Variants in STRIP2 observed in about 807,000 individuals in gnomAD.
STRIP2 encodes striatin interacting protein 2.
Under a neutral mutation model 107.1 loss-of-function variants are expected in STRIP2, and 84 were observed. That is an observed-to-expected ratio of 0.78 (90% CI 0.66 to 0.94). The LOEUF (loss-of-function observed/expected upper bound fraction) is 0.94. Among genes scored for constraint, STRIP2 ranks in the 40% least tolerant of loss-of-function variants. The probability of loss-of-function intolerance (pLI) is 0.00; values close to 1 mark genes in which losing one functional copy is unlikely to be tolerated. For missense variants in STRIP2, 888 were observed against 1,034.2 expected (o/e 0.86, Z 1.94); for synonymous variants, 394 against 400.4 (o/e 0.98, Z 0.19).
chr7:129,465,550 T>C lies in STRIP2; in HGVS notation c.1776+812T>C, dbSNP rs538147039. On this transcript the variant is annotated intron_variant, in intron 16 of 20. Transcript: ENST00000249344. ...AATCTATATGCTAACACACAATTAC[T>C]GGGCACCTATCCTGTGCCCAGCACC... Among the ~76,000 whole-genome samples, 3 of 152,320 alleles carry C rather than the reference T, an allele frequency of 2.0e-5. No homozygotes were observed. In the South Asian group the frequency reaches 6.2e-4, roughly 32 times the overall value.
rs566345045 is a variant in STRIP2 at position 129,484,927 on chromosome 7, A to G, written c.2255-652A>G. ...ATCTTCAGCCCTGAAATAAGTGTCT[A>G]AGTGAATAGAAGCGAAACAGATTAT... On this transcript the variant is annotated intron_variant, in intron 20 of 20. Coordinates refer to ENST00000249344, the MANE Select transcript of STRIP2 (RefSeq NM_020704.3). Among the ~76,000 whole-genome samples, 7 of 152,328 alleles carry G rather than the reference A, an allele frequency of 4.6e-5. No homozygotes were observed. The East Asian group carries it at 1.3e-3, about 29-fold the overall frequency.
In STRIP2 at chr7:129,464,755, A is replaced by T. The variant is rs958402205; in HGVS notation, c.1776+17A>T. On this transcript the variant is annotated intron_variant, in intron 16 of 20. Coordinates refer to ENST00000249344, the MANE Select transcript of STRIP2 (RefSeq NM_020704.3). ...ATCTACCAGGTGAGCAGCTAGGAGC[A>T]CTTCTCCACAGGTCTTGGGTGTTTG... The T allele has an allele frequency of 6.2e-6, 10 of 1,613,910 alleles. No individual in the cohort carries two copies. In the African/African-American group the frequency reaches 8.0e-5, roughly 13 times the overall value.
intron 13 of STRIP2, 70 bp downstream of exon 13, chr7:129,460,442 G>GCACACATGCTC: frequency 1.6e-6 from 2 of 1,273,350 alleles, no homozygotes; most frequent in Non-Finnish European, 2.3e-6. Context: ...CACAGAGCAT[G>GCACACATGCTC]TGTGCATGCA....
Position 129,458,487 on chromosome 7 carries a change from G to A in STRIP2, c.1274+37G>A, listed in dbSNP as rs777238355. ...AGCATCAGGGACCCCTATGCTTCGG[G>A]GTTTCAGTCTCCAAAGGCCCAAGAT... On this transcript the variant is annotated intron_variant, in intron 10 of 20. Coordinates refer to ENST00000249344, the MANE Select transcript of STRIP2 (RefSeq NM_020704.3). The surrounding 1 kb of genome is among the most constrained non-coding windows in gnomAD (Gnocchi z 4.6). 8 of 1,489,374 alleles carry A rather than the reference G, an allele frequency of 5.4e-6. No individual in the cohort carries two copies. Among genetic ancestry groups the A allele is most frequent in the African/African-American group, 4.2e-5 (3 of 71,164 alleles). 92.3% of individuals were successfully genotyped at this position (1,489,374 alleles called of 1,614,324 possible).
intron 6 of STRIP2, 71 bp from the exon 7 acceptor site, chr7:129,454,350 C>T: frequency 6.8e-7 from 1 of 1,469,508 alleles, no homozygotes; most frequent in South Asian, 1.1e-5. Context: ...CCACAGAGAC[C>T]ATCTCTGAGG....
intron 3 of STRIP2, among the ~76,000 whole-genome samples, chr7:129,448,783 A>G (rs1479533389): frequency 2.0e-5 from 3 of 152,134 alleles, no homozygotes; most frequent in Non-Finnish European, 4.4e-5. Flanking sequence ...AATTATTCCC[A>G]TTGTATTTAA....
At chr7:129,442,338 T>C (rs1008981990) in intron 2 of STRIP2, among the ~76,000 whole-genome samples, 2 of 152,116 alleles carry the variant, frequency 1.3e-5, no homozygotes, top group African/African-American at 4.8e-5. Flanking sequence ...AACAGAGCAA[T>C]ATCATATGTT....
Position 129,485,949 on chromosome 7 carries a change from T to A in STRIP2, c.*120T>A. On this transcript the variant is annotated 3_prime_UTR_variant, in exon 21 of 21. Transcript: ENST00000249344. ...GGGCTCTTCTGGGGGCTCTTGGGCC[T>A]AAAGATGGTGCAAGGGTGGGATCCT... 8.6e-7 allele frequency: 1 copy of A among 1,158,590 alleles called. No individual in the cohort carries two copies. The highest frequency in any genetic ancestry group is 1.2e-6 in the Non-Finnish European group (1 of 815,092). 71.8% of individuals were successfully genotyped at this position (1,158,590 alleles called of 1,614,324 possible). A position where few individuals can be genotyped will look rare whatever the true frequency, so the allele number is the denominator to read the frequency against.
intron 18 of STRIP2, among the ~76,000 whole-genome samples, chr7:129,475,868 C>T: frequency 6.6e-6 from 1 of 152,152 alleles, no homozygotes; most frequent in Admixed American, 6.5e-5. Context: ...TTTCAGAGAG[C>T]ACCGGGTTGG....
intron 2 of STRIP2, among the ~76,000 whole-genome samples, chr7:129,441,507 T>G (rs1171097971): frequency 1.3e-5 from 2 of 152,214 alleles, no homozygotes; most frequent in Non-Finnish European, 2.9e-5. Flanking sequence ...AGCATATTAG[T>G]GCAGTAGGCT....
At chr7:129,475,200 CA>C (rs1798883257) in intron 18 of STRIP2, among the ~76,000 whole-genome samples, 2 of 151,488 alleles carry the variant, frequency 1.3e-5, no homozygotes, top group African/African-American at 4.8e-5. Context: ...GATGTGGGCT[CA>C]GTATGTATTT....
At chr7:129,453,418 G>T in intron 5 of STRIP2, 71 bp downstream of exon 5, 1 of 1,587,978 alleles carries the variant, frequency 6.3e-7, no homozygotes, top group East Asian at 2.2e-5. Flanking sequence ...GTTCTATGCT[G>T]CTTCCCTCAC....
chr7:129,485,677 T>C lies in STRIP2; in HGVS notation c.2353T>C (p.Ser785Pro). 1 of 1,614,076 alleles carries C rather than the reference T, an allele frequency of 6.2e-7. No individual in the cohort carries two copies. Among genetic ancestry groups the C allele is most frequent in the Non-Finnish European group, 8.5e-7 (1 of 1,180,016 alleles). The change falls in exon 21 of 21, where the codon TCT becomes CCT. Residue 785 changes from serine to proline, a missense_variant. Transcript: ENST00000249344. Reference protein sequence around the residue: ...NSRRYDRPQDSEFSPVDNCLQ... With the variant: ...NSRRYDRPQDPEFSPVDNCLQ... Reference sequence around the variant, plus strand: ...CCGTCGCTATGACAGACCCCAGGACTCTGAGTTTTCACCTGTGGATAACTG... The same window carrying C: ...CCGTCGCTATGACAGACCCCAGGACCCTGAGTTTTCACCTGTGGATAACTG...
intron 2 of STRIP2, 79 bp downstream of exon 2, chr7:129,440,170 T>C (rs911484879): frequency 7.8e-5 from 98 of 1,254,112 alleles, no homozygotes; most frequent in South Asian, 4.1e-4. Context: ...CCCTGGAAGC[T>C]TGTCTGTTCT....
intron 19 of STRIP2, among the ~76,000 whole-genome samples, chr7:129,482,426 G>A (rs1337735429): frequency 7.5e-6 from 1 of 132,584 alleles, no homozygotes; most frequent in Non-Finnish European, 1.5e-5. Context: ...CACTCAGGCT[G>A]TAGTGCAGTG....
In STRIP2 at chr7:129,440,041, C is replaced by G; in HGVS notation, c.149C>G (p.Thr50Ser). ...TTACAGGGCTCTGTGGACTGTCCCA[C>G]TCTGGAGTTTGAGTATGGAGATGCA... ...RESEGSVDCP[T>S]LEFEYGDADG... The change falls in exon 2 of 21, where the codon ACT (threonine) becomes AGT (serine). Residue 50 changes from threonine (T) to serine (S), a missense_variant. By Grantham distance (58) the Thr-to-Ser change is moderately conservative. Transcript: ENST00000249344. 1 of 1,614,122 alleles carries G rather than the reference C, an allele frequency of 6.2e-7. No individual in the cohort carries two copies. Among genetic ancestry groups the G allele is most frequent in the Non-Finnish European group, 8.5e-7 (1 of 1,180,000 alleles).
chr7:129,454,384 G>A (rs1412927799), intron 6 of STRIP2, 37 bp from the exon 7 acceptor site: 1 of 1,563,990 alleles, frequency 6.4e-7, no homozygotes. Flanking sequence ...GCTGGGAATT[G>A]CCTTGGGAAC....
At position 129,439,994 on chromosome 7, in the gene STRIP2, A is replaced by C; in HGVS notation, c.130-28A>C. 1.9e-6 allele frequency: 3 copies of C among 1,601,500 alleles called. No individual in the cohort carries two copies. In the African/African-American group the frequency reaches 4.0e-5, roughly 21 times the overall value. ...GCAACCCCTTTTTCCAAGTTATCCC[A>C]GTTACCAACAAAATTTCTCTGTTAC... On this transcript the variant is annotated intron_variant, in intron 1 of 20. Coordinates refer to ENST00000249344, the MANE Select transcript of STRIP2 (RefSeq NM_020704.3).
chr7:129,473,960 G>A (rs961618046), intron 18 of STRIP2, among the ~76,000 whole-genome samples: 2 of 151,968 alleles, frequency 1.3e-5, no homozygotes, highest in African/African-American at 4.8e-5. Flanking sequence ...CTGGTGATCC[G>A]CCCACCTCAG....
Sources: gnomAD v4.1 joint callset for allele counts (sites outside exome capture counted in the v4.1 genomes callset) on GRCh38, gnomAD v4.1.1 for gene constraint, Gnocchi (gnomAD v3.1) non-coding constraint, MANE v1.5 for transcripts, NCBI Gene and HGNC (gene_info 2026-07-23, HGNC 2026-07-21) for gene names.